The following CRADD variants were observed in gnomAD, a reference collection of about 807,000 sequenced individuals.
The protein encoded by CRADD is CARD and death domain containing adaptor protein.
CRADD carries 9 observed loss-of-function variants against 15.5 expected under a neutral mutation model. The observed-to-expected ratio is 0.58, with a 90% CI of 0.35 to 1.01. The LOEUF is 1.01. Ranked by LOEUF, CRADD falls within the 50% of genes least tolerant of loss-of-function variation. The pLI is 0.02. For synonymous variants in CRADD, 118 were observed against 107.6 expected (o/e 1.10, Z -0.60); for missense variants, 227 against 250.3 (o/e 0.91, Z 0.63).
At chr12:93,872,597 G>A (rs1181150199) in intron 2 of CRADD, among the ~76,000 whole-genome samples, 2 of 152,118 alleles carry the variant, frequency 1.3e-5, no homozygotes, top group African/African-American at 4.8e-5. Flanking sequence ...GTGAGAGATA[G>A]GGGTCTAGTT....
chr12:93,782,920 TATA>T (rs1243850550), intron 2 of CRADD, among the ~76,000 whole-genome samples: 4 of 152,060 alleles, frequency 2.6e-5, no homozygotes, highest in Admixed American at 1.3e-4. Context: ...AATGGTAAAA[TATA>T]ATAATTGTTG....
chr12:93,705,060 C>T (rs1213359398), intron 2 of CRADD, among the ~76,000 whole-genome samples: 1 of 152,184 alleles, frequency 6.6e-6, no homozygotes, highest in Non-Finnish European at 1.5e-5. Flanking sequence ...TGGAATTATC[C>T]TCCGCACTTG....
chr12:93,791,389 TG>T (rs1957347918), intron 2 of CRADD, among the ~76,000 whole-genome samples: 1 of 152,008 alleles, frequency 6.6e-6, no homozygotes, highest in African/African-American at 2.4e-5. Flanking sequence ...TGGGCAAACC[TG>T]GCAGATGTTA....
chr12:93,691,554 A>AAT (rs1955574233), intron 2 of CRADD, among the ~76,000 whole-genome samples: 1 of 152,136 alleles, frequency 6.6e-6, no homozygotes, highest in Non-Finnish European at 1.5e-5. Flanking sequence ...GTGCCTGGCC[A>AAT]ATATAAAGAA....
At chr12:93,702,644 C>A (rs966024170) in intron 2 of CRADD, among the ~76,000 whole-genome samples, 4 of 151,546 alleles carry the variant, frequency 2.6e-5, no homozygotes. Context: ...ACAATTCAAC[C>A]TGTTCTTTGA....
At chr12:93,744,546 A>G (rs566506219) in intron 2 of CRADD, among the ~76,000 whole-genome samples, 1 of 152,302 alleles carries the variant, frequency 6.6e-6, no homozygotes. Flanking sequence ...TCATAGCAGT[A>G]CCTAGTTAAG....
At chr12:93,779,692 C>T (rs990057252) in intron 2 of CRADD, among the ~76,000 whole-genome samples, 5 of 150,926 alleles carry the variant, frequency 3.3e-5, no homozygotes, top group African/African-American at 4.9e-5. Context: ...TGGGTTCAAG[C>T]GATTCTCCTG....
intron 2 of CRADD, among the ~76,000 whole-genome samples, chr12:93,830,235 C>T (rs557948797): frequency 1.3e-5 from 2 of 152,136 alleles, no homozygotes; most frequent in East Asian, 1.9e-4. Flanking sequence ...GGCTGATTTA[C>T]GCTTGGAAGG....
In CRADD at chr12:93,826,314, TTA is replaced by T. The variant is rs1957823244; in HGVS notation, c.299-23651_299-23650del. 2.0e-5 allele frequency among the ~76,000 whole-genome samples: 3 copies of T among 152,354 alleles called. No homozygotes were observed. The South Asian group carries it at 6.2e-4, about 32-fold the overall frequency. ...GGAAGAGTATGTGAGATTAACTGCA[TTA>T]TATAACAAAACCGCCTTTAATAGCT... On this transcript the variant is annotated intron_variant, in intron 2 of 2. Coordinates refer to ENST00000332896, the MANE Select transcript of CRADD (RefSeq NM_003805.5).
At chr12:93,680,907 G>A (rs983742515) in intron 2 of CRADD, among the ~76,000 whole-genome samples, 11 of 150,502 alleles carry the variant, frequency 7.3e-5, no homozygotes, top group African/African-American at 2.2e-4. Context: ...TTTTTGAGAC[G>A]GAGTTTCACT....
At chr12:93,873,543 G>C (rs903103933) in intron 2 of CRADD, among the ~76,000 whole-genome samples, 1 of 151,908 alleles carries the variant, frequency 6.6e-6, no homozygotes, top group Admixed American at 6.6e-5. Flanking sequence ...ACTATCTGTG[G>C]GTGTTTCATA....
intron 2 of CRADD, among the ~76,000 whole-genome samples, chr12:93,683,692 C>T (rs541435360): frequency 2.0e-5 from 3 of 152,258 alleles, no homozygotes; most frequent in Non-Finnish European, 4.4e-5. Context: ...CACAGAACCA[C>T]ACCTGCCGCC....
At position 93,767,069 on chromosome 12, in the gene CRADD, G is replaced by C. The variant is rs1280575342; in HGVS notation, c.299-82901G>C. Among the ~76,000 whole-genome samples, 3 of 152,144 alleles carry C rather than the reference G, an allele frequency of 2.0e-5. 1 individual carries two copies. Among genetic ancestry groups the C allele is most frequent in the Non-Finnish European group, 4.4e-5 (3 of 68,028 alleles). ...CAGACCCTCGGGCCTTGTCCTTTCTGTCTGGTTCTAGGGAAAAAGCCCATT... is the reference window on the plus strand; with the variant it reads ...CAGACCCTCGGGCCTTGTCCTTTCTCTCTGGTTCTAGGGAAAAAGCCCATT... On this transcript the variant is annotated intron_variant, in intron 2 of 2. Transcript: ENST00000332896.
At chr12:93,709,777 C>G (rs1033971496) in intron 2 of CRADD, among the ~76,000 whole-genome samples, 2 of 152,110 alleles carry the variant, frequency 1.3e-5, no homozygotes, top group African/African-American at 4.8e-5. Context: ...GGCTATATAC[C>G]CAGTAATGGG....
At chr12:93,731,283 C>A (rs988404300) in intron 2 of CRADD, among the ~76,000 whole-genome samples, 3 of 152,156 alleles carry the variant, frequency 2.0e-5, no homozygotes, top group Non-Finnish European at 4.4e-5. Context: ...AAAATATATA[C>A]TATAATTTTC....
At chr12:93,800,304 A>G (rs1468084262) in intron 2 of CRADD, among the ~76,000 whole-genome samples, 1 of 152,090 alleles carries the variant, frequency 6.6e-6, no homozygotes, top group Non-Finnish European at 1.5e-5. Flanking sequence ...GAGAGGATGG[A>G]TGTTCCAGCT....
intron 2 of CRADD, among the ~76,000 whole-genome samples, chr12:93,717,732 G>C (rs1244700767): frequency 6.6e-6 from 1 of 152,076 alleles, no homozygotes; most frequent in Non-Finnish European, 1.5e-5. Flanking sequence ...TGTTGGCCAG[G>C]CAGGTCTCAA....
intron 2 of CRADD, among the ~76,000 whole-genome samples, chr12:93,704,300 G>A (rs915198192): frequency 3.3e-5 from 5 of 151,934 alleles, no homozygotes; most frequent in African/African-American, 1.2e-4. Flanking sequence ...TTACATATTT[G>A]GTACATCATG....
chr12:93,845,473 C>G (rs1286659734), intron 2 of CRADD, among the ~76,000 whole-genome samples: 1 of 152,004 alleles, frequency 6.6e-6, no homozygotes, highest in African/African-American at 2.4e-5. Context: ...CCTGTAATCC[C>G]AAAACTTTGG....
Sources: allele counts gnomAD v4.1 joint callset (sites outside exome capture counted in the v4.1 genomes callset), GRCh38; gene constraint gnomAD v4.1.1; transcripts MANE v1.5; gene names NCBI Gene and HGNC (gene_info 2026-07-23, HGNC 2026-07-21).